The following PRIM2 variants were observed in gnomAD, a reference collection of about 807,000 sequenced individuals.
PRIM2 encodes DNA primase subunit 2.
In PRIM2, 39 loss-of-function variants were observed where a neutral mutation model predicts 67.3. The ratio of observed to expected loss-of-function variants is 0.58; its 90% CI spans 0.45 to 0.76. PRIM2 has a LOEUF of 0.76. Ranked by LOEUF, PRIM2 falls within the 30% of genes least tolerant of loss-of-function variation. The pLI, the probability that PRIM2 is intolerant of heterozygous loss-of-function variation, is 0.00. For missense variants in PRIM2, 398 were observed against 598.7 expected (o/e 0.66, Z 3.50); for synonymous variants, 143 against 198.7 (o/e 0.72, Z 2.36).
the PRIM2 span, among the ~76,000 whole-genome samples, chr6:57,235,770 G>A: frequency 6.6e-6 from 1 of 152,156 alleles, no homozygotes; most frequent in Admixed American, 6.6e-5. Flanking sequence ...GGAAGCAAGA[G>A]GGTCAGAGCC....
At chr6:57,630,238 C>G (rs1449116301) in intron 12 of PRIM2, among the ~76,000 whole-genome samples, 5 of 151,750 alleles carry the variant, frequency 3.3e-5, no homozygotes, top group Non-Finnish European at 7.4e-5. Context: ...AGTTGAATGA[C>G]TTGTTTATAG....
intron 12 of PRIM2, among the ~76,000 whole-genome samples, chr6:57,623,487 T>TTTATAGAAATTA (rs1776894153): frequency 1.3e-5 from 2 of 152,182 alleles, no homozygotes; most frequent in East Asian, 3.8e-4. Flanking sequence ...GTTTATATAG[T>TTTATAGAAATTA]TACACATCTT....
At chr6:57,370,609 C>G (rs374581470) in intron 5 of PRIM2, among the ~76,000 whole-genome samples, 1 of 151,076 alleles carries the variant, frequency 6.6e-6, no homozygotes, top group Non-Finnish European at 1.5e-5. Flanking sequence ...AAATTTAGAT[C>G]GAAGTGCATG....
At chr6:57,457,393 C>T (rs1772831805) in intron 7 of PRIM2, among the ~76,000 whole-genome samples, 2 of 152,326 alleles carry the variant, frequency 1.3e-5, no homozygotes, top group African/African-American at 4.8e-5. Flanking sequence ...GAGGTGGAGT[C>T]TGCAGAGGCA....
At chr6:57,290,813 G>A in the PRIM2 span, among the ~76,000 whole-genome samples, 3 of 152,162 alleles carry the variant, frequency 2.0e-5, no homozygotes, top group East Asian at 5.8e-4. Context: ...TGCGAACAAA[G>A]ACACAACATA....
At chr6:57,229,565 A>G in the PRIM2 span, among the ~76,000 whole-genome samples, 1 of 151,326 alleles carries the variant, frequency 6.6e-6, no homozygotes, top group Non-Finnish European at 1.5e-5. Context: ...TTGGCTCACT[A>G]CAGCCTCTGC....
intron 7 of PRIM2, among the ~76,000 whole-genome samples, chr6:57,437,101 A>G (rs1305122491): frequency 6.6e-6 from 1 of 152,194 alleles, no homozygotes; most frequent in East Asian, 1.9e-4. Context: ...AGAAGGCAAA[A>G]CAGGAGTAGG....
At chr6:57,507,332 A>G in intron 7 of PRIM2, 55 bp from the exon 8 acceptor site, 4 of 1,256,066 alleles carry the variant, frequency 3.2e-6, no homozygotes, top group African/African-American at 1.6e-5. Context: ...TAGTATTCAA[A>G]TATGTTCGGT....
the PRIM2 span, among the ~76,000 whole-genome samples, chr6:57,273,913 G>T: frequency 6.6e-6 from 1 of 152,192 alleles, no homozygotes; most frequent in African/African-American, 2.4e-5. Context: ...GTTTGCCTGG[G>T]TATCAGCAGC....
At chr6:57,326,152 G>A in intron 5 of PRIM2, 107 bp downstream of exon 5, 10 of 1,262,030 alleles carry the variant, frequency 7.9e-6, no homozygotes, top group Non-Finnish European at 1.1e-5. Flanking sequence ...CATTCTCCAA[G>A]TACCTGCCTG....
intron 8 of PRIM2, among the ~76,000 whole-genome samples, chr6:57,510,363 G>T (rs1248281434): frequency 1.3e-5 from 2 of 151,974 alleles, no homozygotes; most frequent in Non-Finnish European, 1.5e-5. Context: ...AAAACCACTG[G>T]TTCAAAAGGT....
At chr6:57,429,059 A>C (rs1771732346) in intron 7 of PRIM2, among the ~76,000 whole-genome samples, 1 of 152,200 alleles carries the variant, frequency 6.6e-6, no homozygotes, top group African/African-American at 2.4e-5. Context: ...TCTGTTCTTC[A>C]TCACTATAAT....
chr6:57,475,336 C>A (rs1451875821), intron 7 of PRIM2, among the ~76,000 whole-genome samples: 1 of 152,114 alleles, frequency 6.6e-6, no homozygotes, highest in East Asian at 1.9e-4. Flanking sequence ...CCAAAAGAAA[C>A]CCTGTAACTA....
chr6:57,554,688 C>G (rs1775476242), intron 10 of PRIM2, among the ~76,000 whole-genome samples: 1 of 152,204 alleles, frequency 6.6e-6, no homozygotes, highest in African/African-American at 2.4e-5. Context: ...CTAGTCTTTT[C>G]TTAGTATATA....
chr6:57,234,252 T>C, the PRIM2 span, among the ~76,000 whole-genome samples: 2 of 152,210 alleles, frequency 1.3e-5, no homozygotes, highest in Non-Finnish European at 2.9e-5. Flanking sequence ...TAAAAATAGA[T>C]GTGTAGTTAT....
At chr6:57,470,619 A>T (rs1773315951) in intron 7 of PRIM2, among the ~76,000 whole-genome samples, 1 of 151,588 alleles carries the variant, frequency 6.6e-6, no homozygotes, top group Non-Finnish European at 1.5e-5. Flanking sequence ...AAATTGTTTT[A>T]ATCTTTAAAT....
At chr6:57,380,707 G>A (rs1445316498) in intron 6 of PRIM2, among the ~76,000 whole-genome samples, 1 of 151,250 alleles carries the variant, frequency 6.6e-6, no homozygotes, top group African/African-American at 2.4e-5. Context: ...TCTTCGTTTC[G>A]ACTGTTGGGC....
intron 9 of PRIM2, among the ~76,000 whole-genome samples, chr6:57,534,195 A>T (rs1176481244): frequency 2.6e-5 from 4 of 152,124 alleles, no homozygotes. Flanking sequence ...GTATGCGGTG[A>T]GTGTCTTTCT....
chr6:57,516,686 G>A (rs2127462611), intron 8 of PRIM2, among the ~76,000 whole-genome samples: 1 of 152,110 alleles, frequency 6.6e-6, no homozygotes, highest in East Asian at 1.9e-4. Flanking sequence ...CTTTGTATGA[G>A]AGCTGTTCAG....
Sources: allele counts gnomAD v4.1 joint callset (sites outside exome capture counted in the v4.1 genomes callset), GRCh38; gene constraint gnomAD v4.1.1; transcripts MANE v1.5; gene names NCBI Gene and HGNC (gene_info 2026-07-23, HGNC 2026-07-21).